Variants in NFIB observed in about 807,000 individuals in gnomAD.
NFIB encodes nuclear factor I B.
NFIB carries 11 observed loss-of-function variants against 61.5 expected under a neutral mutation model. The observed-to-expected ratio is 0.18, with a 90% confidence interval of 0.11 to 0.30. The LOEUF (loss-of-function observed/expected upper bound fraction) is 0.30, where lower values mean the gene tolerates loss of function less well. Among genes scored for constraint, NFIB ranks in the 10% least tolerant of loss-of-function variants. NFIB has a pLI of 1.00. For synonymous variants in NFIB, 260 were observed against 216.5 expected (o/e 1.20, Z -1.76); for missense variants, 471 against 608.9 (o/e 0.77, Z 2.38).
chr9:14,177,345 C>T (rs992711026), intron 3 of NFIB, among the ~76,000 whole-genome samples: 1 of 151,872 alleles, frequency 6.6e-6, no homozygotes, highest in Non-Finnish European at 1.5e-5. Flanking sequence ...AAACAAAAAC[C>T]TTAATAAGTT....
chr9:14,148,149 G>T (rs1335471957), intron 5 of NFIB, among the ~76,000 whole-genome samples: 3 of 151,960 alleles, frequency 2.0e-5, no homozygotes, highest in African/African-American at 4.8e-5. Flanking sequence ...TTGAGACAGG[G>T]TCTCACTCTG....
intron 1 of NFIB, among the ~76,000 whole-genome samples, chr9:14,334,346 T>A (rs1394191253): frequency 6.6e-6 from 1 of 152,212 alleles, no homozygotes; most frequent in Non-Finnish European, 1.5e-5. Flanking sequence ...GTATATCAGT[T>A]TTAATTGCTT....
In NFIB at chr9:14,365,846, A is replaced by G. The variant is rs182411464; in HGVS notation, c.108+32678T>C. On this transcript the variant is annotated intron_variant, in intron 1 of 8. Coordinates refer to the NFIB transcript ENST00000380934. ...TTCTGACTGATCTAACGTGAGACCAAAAACTATGGAGTAAGAGCAAAACCT... is the reference window on the plus strand; with the variant it reads ...TTCTGACTGATCTAACGTGAGACCAGAAACTATGGAGTAAGAGCAAAACCT... Among the ~76,000 whole-genome samples, 42 of 152,286 alleles carry G rather than the reference A, an allele frequency of 2.8e-4. No homozygotes were observed. The East Asian group carries it at 6.8e-3, about 24-fold the overall frequency.
At chr9:14,403,030 C>T (rs959991681), upstream of NFIB, among the ~76,000 whole-genome samples, 1 of 152,188 alleles carries the variant, frequency 6.6e-6, no homozygotes, top group African/African-American at 2.4e-5. Context: ...AGCATCCAGG[C>T]TAATAGTCTC....
At chr9:14,406,091 A>G in the NFIB span, among the ~76,000 whole-genome samples, 3 of 152,170 alleles carry the variant, frequency 2.0e-5, no homozygotes, top group African/African-American at 7.2e-5. Context: ...CACTCATATT[A>G]CAAGTGGCCA....
At chr9:14,402,744 C>G (rs1268529959), upstream of NFIB, among the ~76,000 whole-genome samples, 1 of 151,938 alleles carries the variant, frequency 6.6e-6, no homozygotes, top group Non-Finnish European at 1.5e-5. Flanking sequence ...TTTTATATAC[C>G]ATGGTAACCT....
chr9:14,293,616 T>C (rs1167989413), intron 2 of NFIB, among the ~76,000 whole-genome samples: 1 of 152,228 alleles, frequency 6.6e-6, no homozygotes, highest in Non-Finnish European at 1.5e-5. Context: ...ATCATTAACT[T>C]AGACCATTTC....
chr9:14,242,203 A>G (rs2054436647), intron 2 of NFIB, among the ~76,000 whole-genome samples: 1 of 152,228 alleles, frequency 6.6e-6, no homozygotes, highest in Non-Finnish European at 1.5e-5. Context: ...AAATGAGCAC[A>G]TTATCTGCAC....
the NFIB span, among the ~76,000 whole-genome samples, chr9:14,496,282 C>T: frequency 6.6e-6 from 1 of 152,122 alleles, no homozygotes; most frequent in Admixed American, 6.6e-5. Context: ...TTTATATATG[C>T]CTTATCTACA....
chr9:14,270,441 T>C (rs34151877), intron 2 of NFIB, among the ~76,000 whole-genome samples: 2,325 of 152,086 alleles, frequency 0.015, 23 homozygotes, highest in Non-Finnish European at 0.022. Context: ...AGTGTTTTAA[T>C]AGCCCATTAT....
At chr9:14,381,979 G>T (rs1353014372) in intron 1 of NFIB, among the ~76,000 whole-genome samples, 1 of 152,186 alleles carries the variant, frequency 6.6e-6, no homozygotes, top group Admixed American at 6.5e-5. Flanking sequence ...GTCTGGCTTA[G>T]CTGGAAAAAA....
chr9:14,265,568 G>T (rs1040998973), intron 2 of NFIB, among the ~76,000 whole-genome samples: 1 of 152,142 alleles, frequency 6.6e-6, no homozygotes, highest in Non-Finnish European at 1.5e-5. Context: ...CCTCCAGTGA[G>T]GAAATAAATT....
chr9:14,125,521 T>G lies in NFIB; in HGVS notation c.1060+111A>C. The G allele has an allele frequency of 8.1e-5, 117 of 1,438,354 alleles. No homozygotes were observed. The Middle Eastern group carries it at 1.0e-3, about 13-fold the overall frequency. 89.1% of individuals were successfully genotyped at this position (1,438,354 alleles called of 1,614,324 possible). On this transcript the variant is annotated intron_variant, in intron 7 of 10. Coordinates refer to ENST00000380953, the MANE Select transcript of NFIB (RefSeq NM_001190737.2). Reference sequence around the variant, plus strand: ...GGATTGTGCCCCTCACCATATGGGTTGAGAAAATATGGTTGCCATAGCTCT... The same window carrying G: ...GGATTGTGCCCCTCACCATATGGGTGGAGAAAATATGGTTGCCATAGCTCT...
rs2050924010 is a variant in NFIB at position 14,216,536 on chromosome 9, C to G, written c.563-36756G>C. The stretch of plus-strand genomic sequence containing the variant: ...TCTCTCTCTCTCTCTCTCTCTCTCT[C>G]TCTCTCCCTCTGTGTGTGTGTGTGT... On this transcript the variant is annotated intron_variant, in intron 2 of 10. Coordinates refer to ENST00000380953, the MANE Select transcript of NFIB (RefSeq NM_001190737.2). Among the ~76,000 whole-genome samples, 38 of 31,644 alleles carry G rather than the reference C, an allele frequency of 1.2e-3. 1 individual carries two copies. The highest frequency in any genetic ancestry group is 6.5e-3 in the East Asian group (10 of 1,532). 20.8% of individuals were successfully genotyped at this position (31,644 alleles called of 152,430 possible).
At chr9:14,378,366 T>C (rs546282001) in intron 1 of NFIB, among the ~76,000 whole-genome samples, 1 of 152,332 alleles carries the variant, frequency 6.6e-6, no homozygotes, top group East Asian at 1.9e-4. Context: ...TTTCGTTCTT[T>C]TTTTGTTTTG....
chr9:14,205,926 GAA>G (rs1018668569), intron 2 of NFIB, among the ~76,000 whole-genome samples: 4 of 140,514 alleles, frequency 2.8e-5, no homozygotes, highest in African/African-American at 1.3e-4. Context: ...GTAGTCACCT[GAA>G]AAACACACAC....
At chr9:14,293,166 G>C (rs1201169389) in intron 2 of NFIB, among the ~76,000 whole-genome samples, 1 of 152,146 alleles carries the variant, frequency 6.6e-6, no homozygotes, top group Non-Finnish European at 1.5e-5. Flanking sequence ...TAATAAAACT[G>C]TCACTAATCA....
chr9:14,138,197 T>A (rs945159339), intron 6 of NFIB, among the ~76,000 whole-genome samples: 3 of 152,066 alleles, frequency 2.0e-5, no homozygotes, highest in Admixed American at 2.0e-4. Context: ...GAAAAATAGA[T>A]ATAAACTTAG....
chr9:14,126,989 A>G (rs1330001553), intron 6 of NFIB, among the ~76,000 whole-genome samples: 3 of 152,174 alleles, frequency 2.0e-5, no homozygotes, highest in Admixed American at 2.0e-4. Context: ...AGTAAGAAGG[A>G]ATTGCAAAGG....
Sources: gnomAD v4.1 joint callset for allele counts (sites outside exome capture counted in the v4.1 genomes callset) on GRCh38, gnomAD v4.1.1 for gene constraint, MANE v1.5 for transcripts, NCBI Gene and HGNC (gene_info 2026-07-23, HGNC 2026-07-21) for gene names.